MLANA: variants seen among roughly 807,000 people sequenced by gnomAD.
The protein encoded by MLANA is melanoma antigen recognized by T-cells 1.
MLANA carries 21 observed loss-of-function variants against 15.7 expected under a neutral mutation model. That is an observed-to-expected ratio of 1.33 (90% CI 0.95 to 1.92). The LOEUF is 1.92. Ranked by LOEUF, MLANA falls within the 40% of genes most tolerant of loss-of-function variation. The pLI is 0.00. For missense variants in MLANA, 164 were observed against 143.8 expected (o/e 1.14, Z -0.72); for synonymous variants, 56 against 51.5 (o/e 1.09, Z -0.37).
intron 3 of MLANA, among the ~76,000 whole-genome samples, chr9:5,906,297 T>C (rs1394028143): frequency 6.8e-6 from 1 of 146,676 alleles, no homozygotes; most frequent in Non-Finnish European, 1.5e-5. Context: ...GCCATTATAC[T>C]CCAGCCTGGG....
At chr9:5,899,269 G>T (rs1832256967) in intron 3 of MLANA, 1 of 152,220 alleles carries the variant, frequency 6.6e-6, no homozygotes, top group Admixed American at 6.5e-5. Context: ...TGAAAGAGAG[G>T]AGGGTTGGTG....
intron 3 of MLANA, among the ~76,000 whole-genome samples, chr9:5,902,987 C>T (rs921936203): frequency 1.3e-5 from 2 of 152,168 alleles, no homozygotes; most frequent in Admixed American, 6.6e-5. Context: ...ATACTGCTTG[C>T]ACTGCTAAGC....
chr9:5,891,633 G>A (rs1318332796), intron 1 of MLANA, among the ~76,000 whole-genome samples: 3 of 152,114 alleles, frequency 2.0e-5, no homozygotes, highest in African/African-American at 7.2e-5. Flanking sequence ...TTCCATTATT[G>A]GTTTTTAATG....
chr9:5,897,459 C>T lies in MLANA; in HGVS notation c.78-98C>T, dbSNP rs564047639. ...GACACTGGGAGATGCTGCTCTGGGTCGTCAAAGTCCATATGAAGAGGAAGA... is the reference window on the plus strand; with the variant it reads ...GACACTGGGAGATGCTGCTCTGGGTTGTCAAAGTCCATATGAAGAGGAAGA... On this transcript the variant is annotated intron_variant, in intron 2 of 4. Coordinates refer to ENST00000381477, the MANE Select transcript of MLANA (RefSeq NM_005511.2). 8.1e-5 allele frequency: 89 copies of T among 1,097,926 alleles called. No individual in the cohort carries two copies. The South Asian group carries it at 8.4e-4, about 10-fold the overall frequency. The allele number at this position is 1,097,926 out of a possible 1,614,324, so 68.0% of individuals were successfully genotyped here.
intron 3 of MLANA, among the ~76,000 whole-genome samples, chr9:5,903,830 T>C (rs559330518): frequency 2.2e-4 from 33 of 152,272 alleles, no homozygotes; most frequent in Admixed American, 2.2e-3. Context: ...TTTTCATTAG[T>C]GTTAGCATGG....
intron 3 of MLANA, among the ~76,000 whole-genome samples, chr9:5,901,461 T>C (rs1190271450): frequency 6.6e-6 from 1 of 152,246 alleles, no homozygotes; most frequent in Non-Finnish European, 1.5e-5. Context: ...TCTACATCTA[T>C]TGATACAATC....
Position 5,892,568 on chromosome 9 carries a change from A to C in MLANA, c.77+17A>C. 1 of 1,609,184 alleles carries C rather than the reference A, an allele frequency of 6.2e-7. No individual in the cohort carries two copies. Among genetic ancestry groups the C allele is most frequent in the African/African-American group, 1.3e-5 (1 of 74,690 alleles). On this transcript the variant is annotated intron_variant, in intron 2 of 4. Transcript: ENST00000381477. ...GGCTGAAGAGTAAGTTCAAAACCAG[A>C]CCCAGCAGGGCTTCCAGTTTGCCGT...
intron 3 of MLANA, among the ~76,000 whole-genome samples, chr9:5,906,078 G>A (rs956974005): frequency 1.3e-5 from 2 of 151,916 alleles, no homozygotes; most frequent in Non-Finnish European, 2.9e-5. Flanking sequence ...TATGTTGGGT[G>A]CAGTGGTGCA....
At chr9:5,900,180 T>C (rs1447377717) in intron 3 of MLANA, among the ~76,000 whole-genome samples, 1 of 152,190 alleles carries the variant, frequency 6.6e-6, no homozygotes, top group Non-Finnish European at 1.5e-5. Flanking sequence ...CTTAAATTCA[T>C]TTAATTGAAA....
chr9:5,898,409 A>T (rs1057352998), intron 3 of MLANA, among the ~76,000 whole-genome samples: 1 of 152,146 alleles, frequency 6.6e-6, no homozygotes. Flanking sequence ...CAATAACAAC[A>T]TTAATCCATT....
At chr9:5,899,457 G>C (rs1832270750) in intron 3 of MLANA, among the ~76,000 whole-genome samples, 1 of 152,098 alleles carries the variant, frequency 6.6e-6, no homozygotes, top group Admixed American at 6.6e-5. Context: ...CAAGTCTGGG[G>C]GCTGACACAC....
At chr9:5,901,885 A>G (rs1832452465) in intron 3 of MLANA, among the ~76,000 whole-genome samples, 2 of 152,178 alleles carry the variant, frequency 1.3e-5, no homozygotes, top group African/African-American at 4.8e-5. Flanking sequence ...CATGGTATGT[A>G]ATTCCTTTTA....
At chr9:5,893,053 A>C (rs1831754214) in intron 2 of MLANA, among the ~76,000 whole-genome samples, 1 of 152,228 alleles carries the variant, frequency 6.6e-6, no homozygotes, top group South Asian at 2.1e-4. Flanking sequence ...AAGGAAAGAC[A>C]TTGGGTTTTA....
rs1831908465 is a variant in MLANA at position 5,894,901 on chromosome 9, CA to C, written c.77+2353del. Among the ~76,000 whole-genome samples the C allele has an allele frequency of 6.6e-6, 1 of 152,136 alleles. No homozygotes were observed. Among genetic ancestry groups the C allele is most frequent in the Non-Finnish European group, 1.5e-5 (1 of 68,020 alleles). On this transcript the variant is annotated intron_variant, in intron 2 of 4. Coordinates refer to ENST00000381477, the MANE Select transcript of MLANA (RefSeq NM_005511.2). This position sits in a 1 kb window ranked among gnomAD's most constrained non-coding sequence, Gnocchi z 4.0. ...TGAGGGACAATGGCTTAATAAAGGG[CA>C]AAGGGGGTTATGACCACTATCATGT...
chr9:5,892,692 A>C (rs759315695), intron 2 of MLANA, 141 bp downstream of exon 2: 1 of 655,676 alleles, frequency 1.5e-6, no homozygotes, highest in Non-Finnish European at 2.5e-6. Context: ...CAACAAGGGG[A>C]GGAGATTCTG....
intron 3 of MLANA, among the ~76,000 whole-genome samples, chr9:5,902,021 T>TA (rs36056005): frequency 0.65 from 99,090 of 152,036 alleles, 33,878 homozygotes; most frequent in Non-Finnish European, 0.76. Context: ...GCTGGCCTCA[T>TA]AGCAATGAGT....
At chr9:5,896,702 C>T (rs969271346) in intron 2 of MLANA, among the ~76,000 whole-genome samples, 15 of 152,156 alleles carry the variant, frequency 9.9e-5, no homozygotes, top group Admixed American at 3.9e-4. Context: ...GATGCTTGCC[C>T]GGAGTGAACA....
At chr9:5,897,745 C>T (rs1832129655) in intron 3 of MLANA, 92 bp downstream of exon 3, 3 of 1,096,450 alleles carry the variant, frequency 2.7e-6, no homozygotes, top group Admixed American at 3.4e-5. Context: ...AGATAATTGC[C>T]TCATTATAAC....
chr9:5,908,410 G>C (rs1832954218), intron 4 of MLANA, among the ~76,000 whole-genome samples: 1 of 152,122 alleles, frequency 6.6e-6, no homozygotes, highest in South Asian at 2.1e-4. Flanking sequence ...CTAAGCTTTT[G>C]AGATTTTGGG....
Sources: allele counts gnomAD v4.1 joint callset (sites outside exome capture counted in the v4.1 genomes callset), GRCh38; gene constraint gnomAD v4.1.1; non-coding constraint Gnocchi (gnomAD v3.1); transcripts MANE v1.5; gene names NCBI Gene and HGNC (gene_info 2026-07-23, HGNC 2026-07-21).